The following FAT1 variants were observed in gnomAD, a reference collection of about 807,000 sequenced individuals.
FAT1 encodes the protein protocadherin Fat 1.
Under a neutral mutation model 329.8 loss-of-function variants are expected in FAT1, and 171 were observed. The ratio of observed to expected loss-of-function variants is 0.52; its 90% CI spans 0.46 to 0.59. The LOEUF is 0.59. Ranked by LOEUF, FAT1 falls within the 20% of genes least tolerant of loss-of-function variation. The probability of loss-of-function intolerance (pLI) is 0.00; values close to 1 mark genes in which losing one functional copy is unlikely to be tolerated. For synonymous variants in FAT1, 2,233 were observed against 2,228.6 expected, an observed-to-expected ratio of 1.00 and a Z score of -0.06; for missense variants, 5,672 against 5,774.4, an observed-to-expected ratio of 0.98 and a Z score of 0.57.
chr4:186,724,641 G>A (rs1472216538), upstream of FAT1, among the ~76,000 whole-genome samples: 5 of 152,256 alleles, frequency 3.3e-5, no homozygotes, highest in East Asian at 3.9e-4. The surrounding 1 kb of genome is among the most constrained non-coding windows in gnomAD (Gnocchi z 5.3). Flanking sequence ...AGCCCGCTCC[G>A]AGAACTCCCC....
At chr4:186,606,526 G>A (rs1306693341) in intron 16 of FAT1, among the ~76,000 whole-genome samples, 1 of 152,128 alleles carries the variant, frequency 6.6e-6, no homozygotes, top group African/African-American at 2.4e-5. Context: ...CAAATGATTA[G>A]GACAAGAAGT....
chr4:186,708,333 T>C lies in FAT1; in HGVS notation c.1495A>G (p.Thr499Ala). 6.2e-7 allele frequency: 1 copy of C among 1,613,960 alleles called. No homozygotes were observed. Among genetic ancestry groups the C allele is most frequent in the African/African-American group, 1.3e-5 (1 of 75,044 alleles). The change falls in exon 2 of 27, where the codon ACA becomes GCA. Residue 499 changes from threonine to alanine, a missense_variant. Thr to Ala is a moderately conservative substitution (Grantham distance 58). Coordinates refer to ENST00000441802, the MANE Select transcript of FAT1 (RefSeq NM_005245.4). ...DPDEGENGYV[T>A]YSIANLNHVP... ...TGATTTAAATTTGCGATACTGTATG[T>C]CACGTACCCGTTCTCACCCTCATCA...
rs1741007778 is a variant in FAT1 at position 186,639,727 on chromosome 4, A to G, written c.3637T>C (p.Leu1213=). 2 of 1,609,516 alleles carry G rather than the reference A, an allele frequency of 1.2e-6. No homozygotes were observed. Among genetic ancestry groups the G allele is most frequent in the Non-Finnish European group, 1.7e-6 (2 of 1,177,492 alleles). ...LDREQQDEHI[L]EVTVTDNGSP... Reference sequence around the variant, plus strand: ...AAGATAAAAAAAAAACTTACCTCTAATATGTGTTCATCTTGCTGTTCTCGG... The same window carrying G: ...AAGATAAAAAAAAAACTTACCTCTAGTATGTGTTCATCTTGCTGTTCTCGG... The change falls in exon 4 of 27, where the codon TTA becomes CTA. Residue 1213 remains leucine (L), a synonymous_variant. Coordinates refer to ENST00000441802, the MANE Select transcript of FAT1 (RefSeq NM_005245.4).
At chr4:186,709,943 A>C in intron 1 of FAT1, 98 bp from the exon 2 acceptor site, 1 of 1,108,218 alleles carries the variant, frequency 9.0e-7, no homozygotes, top group Non-Finnish European at 1.2e-6. Context: ...TATTTTCCAT[A>C]CACATGGAAT....
chr4:186,636,719 C>T lies in FAT1; in HGVS notation c.3838G>A (p.Asp1280Asn). The change falls in exon 5 of 27, where the codon GAT (aspartate) becomes AAT (asparagine). Residue 1280 changes from aspartate to asparagine, a missense_variant. Transcript: ENST00000441802. ...PLYHVIATDK[D>N]EGPNAEISYS... is the part of the protein sequence containing the mutation. ...GAGATTTCTGCATTGGGGCCCTCAT[C>T]CTTGTCGGTGGCTATGACGTGATAG... The T allele has an allele frequency of 6.2e-7, 1 of 1,613,858 alleles. No homozygotes were observed. Among genetic ancestry groups the T allele is most frequent in the African/African-American group, 1.3e-5 (1 of 75,004 alleles).
chr4:186,711,727 G>A (rs1045621032), intron 1 of FAT1, among the ~76,000 whole-genome samples: 1 of 152,096 alleles, frequency 6.6e-6, no homozygotes, highest in African/African-American at 2.4e-5. Flanking sequence ...AGACCAGCCT[G>A]GCCAAAACAT....
intron 3 of FAT1, among the ~76,000 whole-genome samples, chr4:186,655,130 G>C (rs1164163480): frequency 1.3e-5 from 2 of 152,156 alleles, no homozygotes; most frequent in Non-Finnish European, 2.9e-5. Context: ...GGTAGCAGCT[G>C]TCAAAGAGCC....
intron 3 of FAT1, among the ~76,000 whole-genome samples, chr4:186,653,826 T>C (rs1049614052): frequency 2.6e-5 from 4 of 152,176 alleles, no homozygotes; most frequent in Non-Finnish European, 5.9e-5. Context: ...AGAGACTGTA[T>C]GGCCCACAAA....
chr4:186,722,716 G>A (rs995223045), intron 1 of FAT1, among the ~76,000 whole-genome samples: 2 of 152,138 alleles, frequency 1.3e-5, no homozygotes, highest in African/African-American at 4.8e-5. Context: ...ACCTGTATCT[G>A]AATATACGAA....
At chr4:186,592,652 C>CT (rs754121785) in intron 26 of FAT1, 94 of 455,370 alleles carry the variant, frequency 2.1e-4, no homozygotes, top group African/African-American at 1.8e-3. Context: ...GACACGGCTG[C>CT]TGCAAGACAC....
At chr4:186,676,069 G>A (rs1271313809) in intron 2 of FAT1, among the ~76,000 whole-genome samples, 1 of 148,960 alleles carries the variant, frequency 6.7e-6, no homozygotes, top group Non-Finnish European at 1.5e-5. Flanking sequence ...TGGACCAGCA[G>A]AGAGAGAGGA....
intron 2 of FAT1, among the ~76,000 whole-genome samples, chr4:186,676,857 C>T (rs1281523230): frequency 1.3e-5 from 2 of 152,136 alleles, no homozygotes; most frequent in Admixed American, 1.3e-4. Context: ...ATACAGAAAA[C>T]CGCAACTATT....
In FAT1 at chr4:186,614,611, T is replaced by C. The variant is rs2584348; in HGVS notation, c.9076-267A>G. Among the ~76,000 whole-genome samples, 99,035 of 152,114 alleles carry C rather than the reference T, an allele frequency of 0.65. 33,004 individuals are homozygous for C. Among genetic ancestry groups the C allele is most frequent in the African/African-American group, 0.81 (33,445 of 41,512 alleles). On this transcript the variant is annotated intron_variant, in intron 11 of 26. Coordinates refer to ENST00000441802, the MANE Select transcript of FAT1 (RefSeq NM_005245.4). ...TAACCTACAAAATGCTATTATATGT[T>C]ATTAAGCTGATTTCATATTCAAATC...
rs529192654 is a variant in FAT1 at position 186,663,601 on chromosome 4, G to C, written c.3278C>G (p.Thr1093Arg). ...CGATTCACGGTCCAGTCGATCTGACGTCTCTATGACACCTACAGAGAAAAA... is the reference window on the plus strand; with the variant it reads ...CGATTCACGGTCCAGTCGATCTGACCTCTCTATGACACCTACAGAGAAAAA... Reference protein sequence around the residue: ...KIGEETGVIETSDRLDRESTS... With the variant: ...KIGEETGVIERSDRLDRESTS... Residue 1093 changes from threonine to arginine, a missense_variant, in exon 3 of 27, where the codon ACG becomes AGG. Coordinates refer to ENST00000441802, the MANE Select transcript of FAT1 (RefSeq NM_005245.4). 1 of 1,607,740 alleles carries C rather than the reference G, an allele frequency of 6.2e-7. No individual in the cohort carries two copies. The highest frequency in any genetic ancestry group is 8.5e-7 in the Non-Finnish European group (1 of 1,179,362).
chr4:186,604,581 A>G lies in FAT1; in HGVS notation c.10351-7T>C, dbSNP rs2126440437. 2 of 1,593,932 alleles carry G rather than the reference A, an allele frequency of 1.3e-6. No individual in the cohort carries two copies. The highest frequency in any genetic ancestry group is 1.1e-5 in the South Asian group (1 of 87,946). On this transcript the variant is annotated splice_region_variant and splice_polypyrimidine_tract_variant and intron_variant, in intron 17 of 26. Transcript: ENST00000441802. ...AGCCCACTGGCTTATTTTCCTGCACAAGATTAGAAACAAAATTAAACAAAA... is the reference window on the plus strand; with the variant it reads ...AGCCCACTGGCTTATTTTCCTGCACGAGATTAGAAACAAAATTAAACAAAA...
intron 2 of FAT1, among the ~76,000 whole-genome samples, chr4:186,676,433 G>A (rs925106436): frequency 3.3e-4 from 50 of 152,036 alleles, no homozygotes; most frequent in African/African-American, 1.1e-3. Flanking sequence ...TTAAACCAAC[G>A]TGTATAAAGG....
chr4:186,662,885 G>T (rs1005656731), intron 3 of FAT1, among the ~76,000 whole-genome samples: 12 of 151,702 alleles, frequency 7.9e-5, no homozygotes, highest in African/African-American at 2.9e-4. Flanking sequence ...CGCCCAGGCT[G>T]GAGTGCAGTG....
intron 1 of FAT1, among the ~76,000 whole-genome samples, chr4:186,719,449 T>A (rs1287554648): frequency 2.0e-5 from 3 of 152,160 alleles, no homozygotes; most frequent in Non-Finnish European, 4.4e-5. Flanking sequence ...ATCCCAAACC[T>A]CCCTTAGAGA....
In FAT1 at chr4:186,596,549, C is replaced by T. The variant is rs763783763; in HGVS notation, c.12991G>A (p.Asp4331Asn). The T allele has an allele frequency of 1.9e-6, 3 of 1,612,022 alleles. No individual in the cohort carries two copies. The highest frequency in any genetic ancestry group is 2.5e-6 in the Non-Finnish European group (3 of 1,179,290). The change falls in exon 25 of 27, where the codon GAC becomes AAC. Residue 4331 changes from aspartate (D) to asparagine (N), a missense_variant. Asp to Asn is a conservative substitution (Grantham distance 23, BLOSUM62 1). Transcript: ENST00000441802. This position sits in a 1 kb window ranked among gnomAD's most constrained non-coding sequence, Gnocchi z 4.7. ...DSIQKPSWDF[D>N]YDTKVVDLDP... ...AAAAAGTGGCTCTTACTGTCATAGTCAAAGTCCCAGCTAGGCTTCTGGATG... is the reference window on the plus strand; with the variant it reads ...AAAAAGTGGCTCTTACTGTCATAGTTAAAGTCCCAGCTAGGCTTCTGGATG...
Sources: allele counts gnomAD v4.1 joint callset (sites outside exome capture counted in the v4.1 genomes callset), GRCh38; gene constraint gnomAD v4.1.1; non-coding constraint Gnocchi (gnomAD v3.1); transcripts MANE v1.5; gene names NCBI Gene and HGNC (gene_info 2026-07-23, HGNC 2026-07-21).